PPARGC1B: variants seen among roughly 807,000 people sequenced by gnomAD.
The protein encoded by PPARGC1B is PPARG coactivator 1 beta.
A neutral mutation model predicts 101.6 loss-of-function variants in PPARGC1B; 34 were observed. The observed-to-expected ratio is 0.33, with a 90% CI of 0.25 to 0.45. The LOEUF (loss-of-function observed/expected upper bound fraction) is 0.45, where lower values mean the gene tolerates loss of function less well. PPARGC1B is among the 20% of genes least tolerant of loss of function. The probability of loss-of-function intolerance (pLI) is 1.00; values close to 1 mark genes in which losing one functional copy is unlikely to be tolerated. For synonymous variants in PPARGC1B, 548 were observed against 539.3 expected (o/e 1.02, Z -0.22); for missense variants, 1,234 against 1,317.6 (o/e 0.94, Z 0.98).
intron 1 of PPARGC1B, among the ~76,000 whole-genome samples, chr5:149,750,453 AATATATAT>A (rs55971526): frequency 0.051 from 6,237 of 123,096 alleles, 318 homozygotes; most frequent in East Asian, 0.12. Flanking sequence ...TTTTAGTTAA[AATATATAT>A]ATATATATAT....
chr5:149,809,742 T>C (rs1238003359), intron 1 of PPARGC1B, among the ~76,000 whole-genome samples: 1 of 150,700 alleles, frequency 6.6e-6, no homozygotes, highest in East Asian at 1.9e-4. Context: ...ATTTATATTT[T>C]ACCACAATTT....
chr5:149,761,991 C>T (rs1458983597), intron 1 of PPARGC1B, among the ~76,000 whole-genome samples: 1 of 152,118 alleles, frequency 6.6e-6, no homozygotes, highest in Non-Finnish European at 1.5e-5. Context: ...GGATATCTGC[C>T]TATCCTTTGC....
rs26123 is a variant in PPARGC1B, at chr5:149,851,769, G to T, written c.*4211G>T. On this transcript the variant is annotated 3_prime_UTR_variant, in exon 12 of 12. Coordinates refer to ENST00000309241, the MANE Select transcript of PPARGC1B (RefSeq NM_133263.4). ...GGTACCGGGTAAATGGAGGGGAGCT[G>T]CAGAGTTGGAAACCCACATGCATGG... 49,774 of 152,130 alleles carry T rather than the reference G, an allele frequency of 0.33. 9,049 individuals are homozygous for T. The highest frequency in any genetic ancestry group is 0.49 in the African/African-American group (20,298 of 41,474). The allele number at this position is 152,130 out of a possible 1,614,324, so 9.4% of individuals were successfully genotyped here.
At chr5:149,765,992 G>A (rs969997951) in intron 1 of PPARGC1B, among the ~76,000 whole-genome samples, 3 of 152,056 alleles carry the variant, frequency 2.0e-5, no homozygotes, top group Non-Finnish European at 4.4e-5. Flanking sequence ...TTTATTTAAG[G>A]CTGTTATTTT....
intron 1 of PPARGC1B, among the ~76,000 whole-genome samples, chr5:149,800,908 G>A (rs561877666): frequency 5.3e-5 from 8 of 152,234 alleles, no homozygotes; most frequent in East Asian, 1.9e-4. Context: ...CTGCTGAGGC[G>A]GCGGCACACG....
At chr5:149,816,402 T>C (rs983349265) in intron 1 of PPARGC1B, among the ~76,000 whole-genome samples, 2 of 152,224 alleles carry the variant, frequency 1.3e-5, no homozygotes, top group Non-Finnish European at 2.9e-5. Context: ...TGGGTCTCAG[T>C]TTCCATATTT....
chr5:149,763,888 A>T lies in PPARGC1B; in HGVS notation c.78+33468A>T, dbSNP rs1403110587. On this transcript the variant is annotated intron_variant, in intron 1 of 11. Transcript: ENST00000309241. ...CACCTCTGCCTCCTGGGCTAAAGGGATCCTCCCACCTCAGCCTTCCAAGTA... is the reference window on the plus strand; with the variant it reads ...CACCTCTGCCTCCTGGGCTAAAGGGTTCCTCCCACCTCAGCCTTCCAAGTA... Among the ~76,000 whole-genome samples the T allele has an allele frequency of 4.0e-5, 6 of 151,128 alleles. No homozygotes were observed. The South Asian group carries it at 8.3e-4, about 21-fold the overall frequency.
At chr5:149,855,323 TAATA>T (rs557848172), downstream of PPARGC1B, among the ~76,000 whole-genome samples, 694 of 152,236 alleles carry the variant, frequency 4.6e-3, 4 homozygotes, top group African/African-American at 0.016. Flanking sequence ...AAATAAAATA[TAATA>T]AATAAATAAA....
downstream of PPARGC1B, among the ~76,000 whole-genome samples, chr5:149,855,320 A>G (rs1759920252): frequency 6.6e-6 from 1 of 152,294 alleles, no homozygotes; most frequent in East Asian, 1.9e-4. Flanking sequence ...AGTAAATAAA[A>G]TATAATAAAT....
chr5:149,844,071 A>G (rs190622446), intron 10 of PPARGC1B, among the ~76,000 whole-genome samples: 1 of 152,376 alleles, frequency 6.6e-6, no homozygotes, highest in Admixed American at 6.5e-5. Context: ...TTCGTTGCAC[A>G]GCAATATGAG....
chr5:149,806,983 G>T (rs925587133), intron 1 of PPARGC1B, among the ~76,000 whole-genome samples: 1 of 151,176 alleles, frequency 6.6e-6, no homozygotes, highest in Admixed American at 6.6e-5. Flanking sequence ...TTGAGACAGG[G>T]TCTTGCTCTG....
downstream of PPARGC1B, among the ~76,000 whole-genome samples, chr5:149,857,735 A>G (rs1042707250): frequency 6.6e-6 from 1 of 152,190 alleles, no homozygotes; most frequent in Non-Finnish European, 1.5e-5. Context: ...GTTCTCTGTG[A>G]TCCTGGGCAT....
chr5:149,820,535 CT>C lies in PPARGC1B; in HGVS notation c.182del (p.Leu61ArgfsTer145), dbSNP rs1179692273. 1.9e-6 allele frequency: 3 copies of C among 1,614,074 alleles called. No homozygotes were observed. ...TGACTCGGCCACCTGCTTTGGGGAGCTGCAGTGGTGCCCAGAGAACTCAGAG... is the reference window on the plus strand; with the variant it reads ...TGACTCGGCCACCTGCTTTGGGGAGCGCAGTGGTGCCCAGAGAACTCAGAG... The part of the protein sequence containing the change: ...DFDSATCFGE[L>X]QWCPENSETE... On this transcript the variant is annotated frameshift_variant, in exon 2 of 12. Transcript: ENST00000309241. LOFTEE classifies it high-confidence loss of function.
intron 1 of PPARGC1B, among the ~76,000 whole-genome samples, chr5:149,803,638 T>G (rs914838643): frequency 6.6e-6 from 1 of 152,202 alleles, no homozygotes; most frequent in Non-Finnish European, 1.5e-5. Flanking sequence ...TTTCCCCCTT[T>G]CCTAGTTCAG....
At position 149,854,609 on chromosome 5, in the gene PPARGC1B, G is replaced by T. The variant is rs540514547; in HGVS notation, c.*7051G>T. 6.6e-6 allele frequency: 1 copy of T among 151,976 alleles called. No homozygotes were observed. Among genetic ancestry groups the T allele is most frequent in the South Asian group, 2.1e-4 (1 of 4,820 alleles). 9.4% of individuals were successfully genotyped at this position (151,976 alleles called of 1,614,324 possible). ...TATATTTTTTCCATTTTGTTGGGTT[G>T]TGTCCTTATTTATATAAATACTTTA... On this transcript the variant is annotated 3_prime_UTR_variant, in exon 12 of 12. Coordinates refer to ENST00000309241, the MANE Select transcript of PPARGC1B (RefSeq NM_133263.4).
intron 2 of PPARGC1B, among the ~76,000 whole-genome samples, chr5:149,821,754 C>T (rs557179865): frequency 2.0e-5 from 3 of 152,254 alleles, no homozygotes; most frequent in South Asian, 4.1e-4. Context: ...AGGACTTTAC[C>T]GTCTGTAAAC....
intron 2 of PPARGC1B, 104 bp downstream of exon 2, chr5:149,820,710 A>G (rs576695173): frequency 1.7e-6 from 2 of 1,181,618 alleles, no homozygotes; most frequent in African/African-American, 1.5e-5. Context: ...GCTCATGCAG[A>G]GAAATCCCCT....
intron 1 of PPARGC1B, among the ~76,000 whole-genome samples, chr5:149,756,871 G>A (rs188334589): frequency 2.0e-5 from 3 of 152,006 alleles, no homozygotes; most frequent in Admixed American, 2.0e-4. Flanking sequence ...ACCTGAGATG[G>A]GATCTGGTTC....
chr5:149,765,422 G>A (rs775727833), intron 1 of PPARGC1B, among the ~76,000 whole-genome samples: 67 of 152,222 alleles, frequency 4.4e-4, no homozygotes, highest in Non-Finnish European at 8.7e-4. Flanking sequence ...AAAGATGTGA[G>A]ACTGGGGTCA....
Sources: gnomAD v4.1 joint callset for allele counts (sites outside exome capture counted in the v4.1 genomes callset) on GRCh38, gnomAD v4.1.1 for gene constraint, MANE v1.5 for transcripts, NCBI Gene and HGNC (gene_info 2026-07-23, HGNC 2026-07-21) for gene names.